SLC35F4: variants seen among roughly 807,000 people sequenced by gnomAD.
SLC35F4 encodes chromosome 14 open reading frame 36.
SLC35F4 carries 24 observed loss-of-function variants against 44.2 expected under a neutral mutation model. That is an observed-to-expected ratio of 0.54 (90% CI 0.39 to 0.76). SLC35F4 has a LOEUF of 0.76. SLC35F4 is among the 30% of genes least tolerant of loss of function. The pLI, the probability that SLC35F4 is intolerant of heterozygous loss-of-function variation, is 0.00. For missense variants in SLC35F4, 562 were observed against 586.1 expected, an observed-to-expected ratio of 0.96 and a Z score of 0.42; for synonymous variants, 238 against 223.6, an observed-to-expected ratio of 1.06 and a Z score of -0.57.
At chr14:57,822,396 A>G (rs987726249) in intron 1 of SLC35F4, among the ~76,000 whole-genome samples, 1 of 152,210 alleles carries the variant, frequency 6.6e-6, no homozygotes, top group African/African-American at 2.4e-5. Context: ...CATTGTGAAC[A>G]GCAGTGATTA....
At chr14:57,940,906 T>A (rs191787910) in intron 1 of SLC35F4, among the ~76,000 whole-genome samples, 1 of 152,214 alleles carries the variant, frequency 6.6e-6, no homozygotes, top group African/African-American at 2.4e-5. Flanking sequence ...TCATCACTCA[T>A]AGGTATCTTA....
chr14:57,885,833 T>A (rs947954151), intron 1 of SLC35F4, among the ~76,000 whole-genome samples: 4 of 152,252 alleles, frequency 2.6e-5, no homozygotes, highest in African/African-American at 2.4e-5. Flanking sequence ...CTTCAGTGAA[T>A]CCTTCCCTGA....
At chr14:57,601,889 T>C (rs927856811) in intron 1 of SLC35F4, among the ~76,000 whole-genome samples, 6 of 152,146 alleles carry the variant, frequency 3.9e-5, no homozygotes, top group Non-Finnish European at 8.8e-5. Flanking sequence ...TTTTTACAGA[T>C]GAGGAAAGAG....
intron 1 of SLC35F4, among the ~76,000 whole-genome samples, chr14:57,762,467 AT>A (rs537606529): frequency 6.6e-6 from 1 of 152,164 alleles, no homozygotes; most frequent in Non-Finnish European, 1.5e-5. Flanking sequence ...ATTGATTAGG[AT>A]ATTTTACAAC....
At chr14:57,619,740 C>A (rs1249646790) in intron 1 of SLC35F4, among the ~76,000 whole-genome samples, 1 of 152,054 alleles carries the variant, frequency 6.6e-6, no homozygotes, top group Non-Finnish European at 1.5e-5. Context: ...TAACAAAACT[C>A]CTCTGAGCTA....
chr14:57,745,641 A>G (rs74496851), intron 1 of SLC35F4, among the ~76,000 whole-genome samples: 142,368 of 152,216 alleles, frequency 0.94, 66,635 homozygotes, highest in East Asian at 1. Flanking sequence ...TGGTGGGACT[A>G]TAAACTAGTT....
intron 1 of SLC35F4, chr14:57,596,728 T>C: frequency 7.9e-7 from 1 of 1,272,406 alleles, no homozygotes; most frequent in Non-Finnish European, 1.1e-6. Context: ...AAGTGTTGAA[T>C]GTATAAGCCA....
At chr14:57,849,776 C>T (rs1886392642) in intron 1 of SLC35F4, among the ~76,000 whole-genome samples, 1 of 152,152 alleles carries the variant, frequency 6.6e-6, no homozygotes, top group Non-Finnish European at 1.5e-5. Flanking sequence ...TCAGCCATTA[C>T]ATCAGAAACC....
chr14:57,581,596 G>C (rs557020259), intron 3 of SLC35F4, among the ~76,000 whole-genome samples, 163 bp from the exon 4 acceptor site: 2 of 152,384 alleles, frequency 1.3e-5, no homozygotes, highest in South Asian at 4.1e-4. Flanking sequence ...GCTTCAGGGA[G>C]TGTATGAGGT....
At chr14:57,594,797 T>G (rs1191967207) in intron 1 of SLC35F4, among the ~76,000 whole-genome samples, 1 of 152,212 alleles carries the variant, frequency 6.6e-6, no homozygotes, top group East Asian at 1.9e-4. Flanking sequence ...AATTTCATTG[T>G]GTCTTCTCAA....
chr14:57,615,569 G>T (rs1595058156), intron 1 of SLC35F4, among the ~76,000 whole-genome samples: 1 of 151,856 alleles, frequency 6.6e-6, no homozygotes, highest in Admixed American at 6.6e-5. Context: ...CTTCAGTTCT[G>T]CATATAGATG....
At chr14:57,650,063 C>T (rs968741282) in intron 1 of SLC35F4, among the ~76,000 whole-genome samples, 1 of 152,094 alleles carries the variant, frequency 6.6e-6, no homozygotes, top group Non-Finnish European at 1.5e-5. Context: ...ACTTCCCCAA[C>T]AGTTCCTTCT....
In SLC35F4 at chr14:57,768,916, C is replaced by T. The variant is rs534403057; in HGVS notation, c.103+96807G>A. On this transcript the variant is annotated intron_variant, in intron 1 of 7. Transcript: ENST00000556826. ...TCCAGGTGTGTGCCACCACGCCAGG[C>T]TAATTTTTGTATTTTTAGTAGCGAT... Among the ~76,000 whole-genome samples, 198 of 152,226 alleles carry T rather than the reference C, an allele frequency of 1.3e-3. 1 individual carries two copies. The highest frequency in any genetic ancestry group is 4.5e-3 in the African/African-American group (187 of 41,554).
intron 1 of SLC35F4, among the ~76,000 whole-genome samples, chr14:57,708,032 T>C (rs1468191441): frequency 1.3e-5 from 2 of 152,148 alleles, no homozygotes; most frequent in African/African-American, 4.8e-5. Flanking sequence ...AGCCACAAGA[T>C]TAGAAATTAC....
chr14:57,654,093 A>G (rs554961933), intron 1 of SLC35F4, among the ~76,000 whole-genome samples: 3 of 152,186 alleles, frequency 2.0e-5, no homozygotes, highest in Non-Finnish European at 2.9e-5. Flanking sequence ...TGCATTAGGT[A>G]CCCATTCTAC....
At chr14:57,724,597 T>C (rs141230834) in intron 1 of SLC35F4, among the ~76,000 whole-genome samples, 14 of 152,298 alleles carry the variant, frequency 9.2e-5, no homozygotes, top group Non-Finnish European at 1.8e-4. Context: ...GTAAGTCAGT[T>C]ACATGAGGAA....
chr14:57,637,174 T>G lies in SLC35F4; in HGVS notation c.104-43050A>C, dbSNP rs140013161. On this transcript the variant is annotated intron_variant, in intron 1 of 7. Transcript: ENST00000556826. Reference sequence around the variant, plus strand: ...GCTTAGAGTGGCCAAGTGACTTTCTTGGGAGTGAAAAATAAATCCTGGGAC... The same window carrying G: ...GCTTAGAGTGGCCAAGTGACTTTCTGGGGAGTGAAAAATAAATCCTGGGAC... Among the ~76,000 whole-genome samples the G allele has an allele frequency of 6.6e-3, 1,006 of 152,240 alleles. 12 individuals carry two copies. Among genetic ancestry groups the G allele is most frequent in the African/African-American group, 0.023 (938 of 41,558 alleles).
At chr14:57,793,397 A>T (rs934698689) in intron 1 of SLC35F4, among the ~76,000 whole-genome samples, 5 of 151,782 alleles carry the variant, frequency 3.3e-5, no homozygotes, top group African/African-American at 1.2e-4. Flanking sequence ...CCACACTCTT[A>T]CCCTTCTACC....
intron 1 of SLC35F4, among the ~76,000 whole-genome samples, chr14:57,801,832 A>G (rs993584025): frequency 1.3e-5 from 2 of 152,228 alleles, no homozygotes; most frequent in African/African-American, 4.8e-5. Flanking sequence ...AGATTCATAA[A>G]GCAAGTTCTT....
Sources: allele counts gnomAD v4.1 joint callset (sites outside exome capture counted in the v4.1 genomes callset), GRCh38; gene constraint gnomAD v4.1.1; transcripts MANE v1.5; gene names NCBI Gene and HGNC (gene_info 2026-07-23, HGNC 2026-07-21).